OPRM1: variants seen among roughly 807,000 people sequenced by gnomAD.
OPRM1 encodes mu-type opioid receptor.
Under a neutral mutation model 31.8 loss-of-function variants are expected in OPRM1, and 27 were observed. The observed-to-expected ratio is 0.85, with a 90% CI of 0.63 to 1.17. The LOEUF is 1.17. OPRM1 is among the 50% of genes most tolerant of loss of function. OPRM1 has a pLI of 0.00. For missense variants in OPRM1, 536 were observed against 511.1 expected, an observed-to-expected ratio of 1.05 and a Z score of -0.47; for synonymous variants, 196 against 189.9, an observed-to-expected ratio of 1.03 and a Z score of -0.26.
At position 154,100,175 on chromosome 6, in the gene OPRM1, TATC is replaced by T. The variant is rs1185989908; in HGVS notation, c.1164+8706_1164+8708del. 1.1e-4 allele frequency among the ~76,000 whole-genome samples: 13 copies of T among 120,506 alleles called. 1 individual carries two copies. Among genetic ancestry groups the T allele is most frequent in the African/African-American group, 2.8e-4 (9 of 32,282 alleles). The allele number at this position is 120,506 out of a possible 152,430, so 79.1% of individuals were successfully genotyped here. On this transcript the variant is annotated intron_variant, in intron 3 of 3. Transcript: ENST00000330432. ...TATTATGACGTATCATAATATATAT[TATC>T]ATATTATGACATATCATAATATATA...
intron 1 of OPRM1, among the ~76,000 whole-genome samples, chr6:154,049,321 T>C (rs1394246411): frequency 1.3e-5 from 2 of 151,836 alleles, no homozygotes; most frequent in Admixed American, 1.3e-4. Flanking sequence ...ATGTGAAAAA[T>C]GTGGCAATAA....
At chr6:154,080,092 G>A (rs543269926) in intron 1 of OPRM1, among the ~76,000 whole-genome samples, 5 of 152,032 alleles carry the variant, frequency 3.3e-5, no homozygotes, top group Admixed American at 1.3e-4. Flanking sequence ...TTTTTAGTTT[G>A]CAAATTGATC....
intron 3 of OPRM1, among the ~76,000 whole-genome samples, chr6:154,111,735 G>A (rs1796379449): frequency 6.8e-6 from 1 of 147,384 alleles, no homozygotes; most frequent in Non-Finnish European, 1.5e-5. Flanking sequence ...TGACTTCCTG[G>A]AAAAACTATA....
At chr6:154,090,296 T>C in intron 2 of OPRM1, 118 bp downstream of exon 2, 2 of 678,952 alleles carry the variant, frequency 2.9e-6, no homozygotes, top group Admixed American at 6.0e-5. Flanking sequence ...GTAATTTTAA[T>C]TATTCTTCCT....
intron 3 of OPRM1, among the ~76,000 whole-genome samples, chr6:154,153,104 G>A (rs1443082312): frequency 1.3e-5 from 2 of 152,122 alleles, no homozygotes; most frequent in Non-Finnish European, 2.9e-5. Flanking sequence ...TCTTTCCTAT[G>A]GTGAACATAC....
intron 3 of OPRM1, chr6:154,214,452 C>G (rs750063961): frequency 1.6e-6 from 1 of 628,622 alleles, no homozygotes; most frequent in South Asian, 1.9e-5. Flanking sequence ...ACAATACTTT[C>G]CATACTCAAG....
At chr6:154,115,135 G>T (rs1213461548) in intron 3 of OPRM1, among the ~76,000 whole-genome samples, 1 of 152,052 alleles carries the variant, frequency 6.6e-6, no homozygotes, top group Non-Finnish European at 1.5e-5. Context: ...CTATTTTTTT[G>T]GTATCAAATC....
At chr6:154,032,559 C>T (rs1370097670) in intron 1 of OPRM1, among the ~76,000 whole-genome samples, 1 of 152,146 alleles carries the variant, frequency 6.6e-6, no homozygotes, top group African/African-American at 2.4e-5. Context: ...CCTCAGCCTA[C>T]CGAGTAGCTA....
chr6:154,227,028 C>T (rs1483509209), intron 3 of OPRM1, among the ~76,000 whole-genome samples: 1 of 151,938 alleles, frequency 6.6e-6, no homozygotes, highest in Non-Finnish European at 1.5e-5. Context: ...GAAACTCTAT[C>T]TCTACTAAAA....
At chr6:154,142,798 C>T (rs969190665) in intron 3 of OPRM1, among the ~76,000 whole-genome samples, 12 of 152,338 alleles carry the variant, frequency 7.9e-5, no homozygotes, top group South Asian at 2.1e-4. Context: ...TAGACTTGCA[C>T]GGATTCCCCT....
intron 3 of OPRM1, among the ~76,000 whole-genome samples, chr6:154,105,814 T>A (rs929744341): frequency 3.3e-5 from 5 of 152,234 alleles, no homozygotes; most frequent in African/African-American, 4.8e-5. Context: ...CCTCTATGAT[T>A]TTTATGCCAA....
rs148314154 is a variant in OPRM1, at chr6:154,189,332, T to C, written c.1165-57361T>C. 1.5e-3 allele frequency among the ~76,000 whole-genome samples: 221 copies of C among 152,346 alleles called. 1 individual carries two copies. Among genetic ancestry groups the C allele is most frequent in the African/African-American group, 5.1e-3 (214 of 41,588 alleles). On this transcript the variant is annotated intron_variant, in intron 3 of 3. Coordinates refer to the OPRM1 transcript ENST00000337049. The stretch of plus-strand genomic sequence containing the variant: ...CAATTTATAAAGCAATTTCATCTAG[T>C]AAAGTTGAAGATAGGCATACATCAT...
intron 3 of OPRM1, chr6:154,223,380 C>T (rs1328892374): frequency 1.4e-6 from 1 of 694,570 alleles, no homozygotes; most frequent in Admixed American, 2.1e-5. Flanking sequence ...CCTGAATCAC[C>T]ATGGAGGTGT....
chr6:154,195,537 C>T (rs771381589), intron 3 of OPRM1, among the ~76,000 whole-genome samples: 27 of 152,218 alleles, frequency 1.8e-4, no homozygotes, highest in Non-Finnish European at 3.7e-4. Flanking sequence ...AACACCTATC[C>T]CAGTATTCAA....
intron 1 of OPRM1, among the ~76,000 whole-genome samples, chr6:154,066,011 A>G (rs1223836010): frequency 6.6e-6 from 1 of 152,172 alleles, no homozygotes. Flanking sequence ...CTTTTTCTGA[A>G]TTAAATGAGA....
chr6:154,092,249 C>A (rs1792437249), intron 3 of OPRM1, among the ~76,000 whole-genome samples: 1 of 152,064 alleles, frequency 6.6e-6, no homozygotes, highest in Admixed American at 6.6e-5. Flanking sequence ...GGGAAATCAA[C>A]AAGGAGGAAA....
intron 1 of OPRM1, among the ~76,000 whole-genome samples, chr6:154,047,364 T>C (rs940823817): frequency 6.6e-6 from 1 of 151,928 alleles, no homozygotes; most frequent in Non-Finnish European, 1.5e-5. Flanking sequence ...TGAGTCAGAG[T>C]ATGTGCTGCC....
At chr6:154,105,102 T>C (rs1407520443) in intron 3 of OPRM1, among the ~76,000 whole-genome samples, 1 of 152,224 alleles carries the variant, frequency 6.6e-6, no homozygotes, top group African/African-American at 2.4e-5. Context: ...AAACAATTTC[T>C]CCAATTGTGT....
At position 154,087,497 on chromosome 6, in the gene OPRM1, G is replaced by C. The variant is rs772045199; in HGVS notation, c.291-2329G>C. On this transcript the variant is annotated intron_variant, in intron 1 of 3. Coordinates refer to ENST00000330432, the MANE Select transcript of OPRM1 (RefSeq NM_000914.5). ...CTTCAGGTGTGGGGTTCTCTCTCAC[G>C]CTCTCAAATCCACATCCTCCGGATT... 3.0e-6 allele frequency: 3 copies of C among 985,300 alleles called. No homozygotes were observed. The African/African-American group carries it at 5.2e-5, about 17-fold the overall frequency. The allele number at this position is 985,300 out of a possible 1,614,324, so 61.0% of individuals were successfully genotyped here.
Sources: allele counts gnomAD v4.1 joint callset (sites outside exome capture counted in the v4.1 genomes callset), GRCh38; gene constraint gnomAD v4.1.1; transcripts MANE v1.5; gene names NCBI Gene and HGNC (gene_info 2026-07-23, HGNC 2026-07-21).